Variants in SCRG1 observed in about 807,000 individuals in gnomAD.
SCRG1 encodes scrapie-responsive protein 1.
A neutral mutation model predicts 7.7 loss-of-function variants in SCRG1; 3 were observed. The observed-to-expected ratio is 0.39, with a 90% CI of 0.18 to 1.01. The LOEUF (loss-of-function observed/expected upper bound fraction) is 1.01, where lower values mean the gene tolerates loss of function less well. Ranked by LOEUF, SCRG1 falls within the 50% of genes least tolerant of loss-of-function variation. The pLI is 0.36. For synonymous variants in SCRG1, 46 were observed against 41.2 expected (o/e 1.12, Z -0.44); for missense variants, 110 against 117.2 (o/e 0.94, Z 0.28).
chr4:173,456,159 G>T, the SCRG1 span, among the ~76,000 whole-genome samples: 31 of 152,278 alleles, frequency 2.0e-4, no homozygotes, highest in South Asian at 6.2e-3. Flanking sequence ...GACTCGAGCA[G>T]CTGATCATGG....
At chr4:173,440,714 G>A in the SCRG1 span, among the ~76,000 whole-genome samples, 1 of 152,068 alleles carries the variant, frequency 6.6e-6, no homozygotes, top group Non-Finnish European at 1.5e-5. Context: ...TCATAGTTCT[G>A]GAGACTGGAA....
intron 2 of SCRG1, among the ~76,000 whole-genome samples, chr4:173,389,426 C>T (rs1478755420): frequency 6.6e-6 from 1 of 152,138 alleles, no homozygotes. Context: ...GTCCCAGCTA[C>T]TCGAGAGGCT....
chr4:173,413,604 G>A, the SCRG1 span, among the ~76,000 whole-genome samples: 2 of 152,146 alleles, frequency 1.3e-5, no homozygotes, highest in African/African-American at 2.4e-5. Flanking sequence ...AACAAATATT[G>A]GGGATAGTTA....
the SCRG1 span, among the ~76,000 whole-genome samples, chr4:173,483,863 C>T: frequency 3.7e-3 from 75 of 20,444 alleles, 18 homozygotes; most frequent in East Asian, 0.039. Context: ...TTTCATATTA[C>T]ATATGTTATA....
chr4:173,428,723 T>G, the SCRG1 span, among the ~76,000 whole-genome samples: 1 of 152,232 alleles, frequency 6.6e-6, no homozygotes, highest in Non-Finnish European at 1.5e-5. Context: ...ACCAGTGAAA[T>G]AGGTGCCCAC....
chr4:173,484,828 T>C, the SCRG1 span, among the ~76,000 whole-genome samples: 1 of 83,138 alleles, frequency 1.2e-5, no homozygotes, highest in Non-Finnish European at 2.1e-5. Flanking sequence ...TAATATATAT[T>C]ATATGTACAA....
chr4:173,439,117 C>T, the SCRG1 span, among the ~76,000 whole-genome samples: 25 of 152,232 alleles, frequency 1.6e-4, no homozygotes, highest in Middle Eastern at 0.014. Context: ...GTTCAGGCCC[C>T]TTGGAAACAG....
chr4:173,393,527 G>A (rs990805592), intron 1 of SCRG1, among the ~76,000 whole-genome samples: 1 of 152,134 alleles, frequency 6.6e-6, no homozygotes, highest in Admixed American at 6.5e-5. Context: ...CATGGTTTAA[G>A]TGACCTAATA....
At chr4:173,516,535 A>G in the SCRG1 span, among the ~76,000 whole-genome samples, 2 of 152,252 alleles carry the variant, frequency 1.3e-5, no homozygotes, top group Non-Finnish European at 2.9e-5. Context: ...ATCATAGTTC[A>G]TAGTTCAAGG....
chr4:173,460,617 T>G, the SCRG1 span, among the ~76,000 whole-genome samples: 1 of 152,314 alleles, frequency 6.6e-6, no homozygotes, highest in South Asian at 2.1e-4. Context: ...TGGCAACATT[T>G]ATCACCTGCT....
chr4:173,481,616 T>C, the SCRG1 span, among the ~76,000 whole-genome samples: 3 of 152,052 alleles, frequency 2.0e-5, no homozygotes. Context: ...CTGCCACCCC[T>C]GAGACAGCAA....
chr4:173,410,222 T>C (rs190865652), upstream of SCRG1, among the ~76,000 whole-genome samples: 14 of 152,348 alleles, frequency 9.2e-5, no homozygotes, highest in African/African-American at 3.1e-4. Flanking sequence ...AGATCCTGTG[T>C]GTAGCTGTGG....
intron 1 of SCRG1, among the ~76,000 whole-genome samples, chr4:173,405,644 G>A (rs1171091889): frequency 6.6e-6 from 1 of 152,032 alleles, no homozygotes; most frequent in Non-Finnish European, 1.5e-5. Flanking sequence ...TCTATACTTT[G>A]GATTATTTTA....
chr4:173,484,106 A>G, the SCRG1 span, among the ~76,000 whole-genome samples: 1 of 86,318 alleles, frequency 1.2e-5, no homozygotes, highest in East Asian at 3.5e-4. Context: ...TATATAATAT[A>G]TAATATATAA....
At chr4:173,484,306 T>C in the SCRG1 span, among the ~76,000 whole-genome samples, 1 of 64,310 alleles carries the variant, frequency 1.6e-5, no homozygotes, top group East Asian at 4.6e-4. Flanking sequence ...GTATATTTTA[T>C]ATATTATATA....
upstream of SCRG1, among the ~76,000 whole-genome samples, chr4:173,403,842 A>C (rs374007008): frequency 2.0e-5 from 3 of 152,306 alleles, no homozygotes; most frequent in South Asian, 4.1e-4. Flanking sequence ...TCACTTACCA[A>C]ACCTAGAAAG....
the SCRG1 span, chr4:173,467,983 G>A: frequency 1.3e-5 from 2 of 152,660 alleles, no homozygotes; most frequent in East Asian, 3.9e-4. Context: ...AAGTCAAATA[G>A]TGACTCCGTA....
At chr4:173,487,289 C>T in the SCRG1 span, among the ~76,000 whole-genome samples, 1 of 152,170 alleles carries the variant, frequency 6.6e-6, no homozygotes, top group Non-Finnish European at 1.5e-5. Context: ...CTCTTTTCTC[C>T]AGTCCATTAC....
At chr4:173,478,800 G>A in the SCRG1 span, among the ~76,000 whole-genome samples, 1 of 152,196 alleles carries the variant, frequency 6.6e-6, no homozygotes, top group Non-Finnish European at 1.5e-5. Flanking sequence ...AATCACAGAT[G>A]AGGAAGAAAC....
Sources: allele counts gnomAD v4.1 joint callset (sites outside exome capture counted in the v4.1 genomes callset), GRCh38; gene constraint gnomAD v4.1.1; transcripts MANE v1.5; gene names NCBI Gene and HGNC (gene_info 2026-07-23, HGNC 2026-07-21).